ITGA11: variants seen among roughly 807,000 people sequenced by gnomAD.
ITGA11 encodes the protein integrin alpha-11.
Under a neutral mutation model 141.9 loss-of-function variants are expected in ITGA11, and 97 were observed. The ratio of observed to expected loss-of-function variants is 0.68; its 90% CI spans 0.58 to 0.81. The LOEUF is 0.81. Among genes scored for constraint, ITGA11 ranks in the 30% least tolerant of loss-of-function variants. ITGA11 has a pLI of 0.00. For synonymous variants in ITGA11, 658 were observed against 624.6 expected (o/e 1.05, Z -0.80); for missense variants, 1,387 against 1,559.2 (o/e 0.89, Z 1.86).
chr15:68,423,264 T>A (rs981688253), intron 1 of ITGA11, among the ~76,000 whole-genome samples: 1 of 152,028 alleles, frequency 6.6e-6, no homozygotes, highest in Admixed American at 6.5e-5. Context: ...GCGGGGGAAG[T>A]ACAGGACACC....
Position 68,328,006 on chromosome 15 carries a change from A to G in ITGA11, c.2068+90T>C, listed in dbSNP as rs1894034745. 1 of 1,349,938 alleles carries G rather than the reference A, an allele frequency of 7.4e-7. No individual in the cohort carries two copies. The highest frequency in any genetic ancestry group is 1.5e-5 in the African/African-American group (1 of 68,580). The allele number at this position is 1,349,938 out of a possible 1,614,324, so 83.6% of individuals were successfully genotyped here. A position where few individuals can be genotyped will look rare whatever the true frequency, so the allele number is the denominator to read the frequency against. On this transcript the variant is annotated intron_variant, in intron 16 of 29. Coordinates refer to ENST00000315757, the MANE Select transcript of ITGA11 (RefSeq NM_001004439.2). The surrounding 1 kb of genome is among the most constrained non-coding windows in gnomAD (Gnocchi z 4.8). ...TTGGGCGACCTGGCACTTAGCACCC[A>G]TTTTGGGAAAAGCCCAGGCTTTGAA... is the stretch of plus-strand genomic sequence containing the variant.
In ITGA11 at chr15:68,297,557, C is replaced by T. The variant is rs1211425315; in HGVS notation, c.*5502G>A. 1 of 146,504 alleles carries T rather than the reference C, an allele frequency of 6.8e-6. No homozygotes were observed. The highest frequency in any genetic ancestry group is 1.5e-5 in the Non-Finnish European group (1 of 67,030). 9.1% of individuals were successfully genotyped at this position (146,504 alleles called of 1,614,324 possible). A position where few individuals can be genotyped will look rare whatever the true frequency, so the allele number is the denominator to read the frequency against. On this transcript the variant is annotated 3_prime_UTR_variant, in exon 30 of 30. Coordinates refer to ENST00000315757, the MANE Select transcript of ITGA11 (RefSeq NM_001004439.2). ...TTTCTTTTTAATGAAGGTCTTACAA[C>T]TATTTTCCTTTTATTACCACTACGT...
At chr15:68,352,062 G>A (rs1170701289) in intron 7 of ITGA11, among the ~76,000 whole-genome samples, 2 of 143,292 alleles carry the variant, frequency 1.4e-5, no homozygotes, top group East Asian at 2.2e-4. Context: ...CAGCCTGGGC[G>A]ACAGAGTGAG....
intron 4 of ITGA11, among the ~76,000 whole-genome samples, chr15:68,364,345 C>A (rs573629009): frequency 2.0e-5 from 3 of 152,332 alleles, no homozygotes; most frequent in South Asian, 4.1e-4. Context: ...CCAGCCCAGA[C>A]AACTAGCTCC....
At chr15:68,381,899 G>A (rs939061935) in intron 2 of ITGA11, among the ~76,000 whole-genome samples, 7 of 152,084 alleles carry the variant, frequency 4.6e-5, no homozygotes, top group East Asian at 1.9e-4. Flanking sequence ...ACAGAGAGGC[G>A]AAGTCACCCA....
chr15:68,395,572 T>C (rs1001151320), intron 2 of ITGA11, among the ~76,000 whole-genome samples: 5 of 148,262 alleles, frequency 3.4e-5, no homozygotes, highest in African/African-American at 7.6e-5. Context: ...GTATCAGTGA[T>C]TGAAGATTAA....
At chr15:68,361,314 G>A (rs140465456) in intron 5 of ITGA11, among the ~76,000 whole-genome samples, 2 of 152,216 alleles carry the variant, frequency 1.3e-5, no homozygotes, top group African/African-American at 4.8e-5. Flanking sequence ...ATATACCCAG[G>A]GTTTCTGCAG....
intron 2 of ITGA11, among the ~76,000 whole-genome samples, chr15:68,395,255 T>C (rs369841092): frequency 5.8e-4 from 88 of 152,180 alleles, no homozygotes; most frequent in African/African-American, 2.1e-3. Context: ...ACTCTAAAAG[T>C]CAGAGCACTT....
intron 2 of ITGA11, among the ~76,000 whole-genome samples, chr15:68,387,983 G>C (rs1485427666): frequency 6.6e-6 from 1 of 152,002 alleles, no homozygotes; most frequent in South Asian, 2.1e-4. Flanking sequence ...GCACATGTGG[G>C]TCTCAGCCCT....
intron 2 of ITGA11, among the ~76,000 whole-genome samples, chr15:68,388,175 C>T (rs1366315210): frequency 6.6e-6 from 1 of 152,158 alleles, no homozygotes. Context: ...CCTCAATCAT[C>T]CTGCAGCCTC....
chr15:68,409,824 C>T (rs1181896814), intron 1 of ITGA11, among the ~76,000 whole-genome samples: 1 of 152,198 alleles, frequency 6.6e-6, no homozygotes, highest in African/African-American at 2.4e-5. Context: ...AAGTCAGCAA[C>T]TGGCCAAGGT....
At chr15:68,414,831 A>G (rs1439039736) in intron 1 of ITGA11, among the ~76,000 whole-genome samples, 6 of 151,988 alleles carry the variant, frequency 3.9e-5, no homozygotes, top group Admixed American at 6.6e-5. Flanking sequence ...CATGAAAGTG[A>G]GCTGTAACCC....
intron 15 of ITGA11, among the ~76,000 whole-genome samples, chr15:68,329,860 C>T (rs893909137): frequency 6.6e-6 from 1 of 152,186 alleles, no homozygotes; most frequent in Non-Finnish European, 1.5e-5. Context: ...ACGCACAGGC[C>T]CTGGCTTCCC....
chr15:68,332,188 A>G (rs1441649145), intron 13 of ITGA11, 126 bp from the exon 14 acceptor site: 2 of 1,230,108 alleles, frequency 1.6e-6, no homozygotes, highest in African/African-American at 1.5e-5. Flanking sequence ...GTCTCTGGCT[A>G]TATGAACCCA....
chr15:68,427,215 G>A (rs1897164205), intron 1 of ITGA11, among the ~76,000 whole-genome samples: 1 of 152,140 alleles, frequency 6.6e-6, no homozygotes. Flanking sequence ...TTGACACAGT[G>A]CCTGACATCA....
chr15:68,348,048 T>A lies in ITGA11; in HGVS notation c.1131+782A>T, dbSNP rs567666076. Among the ~76,000 whole-genome samples the A allele has an allele frequency of 2.0e-5, 3 of 152,272 alleles. No individual in the cohort carries two copies. In the South Asian group the frequency reaches 6.2e-4, roughly 32 times the overall value. On this transcript the variant is annotated intron_variant, in intron 10 of 29. Coordinates refer to ENST00000315757, the MANE Select transcript of ITGA11 (RefSeq NM_001004439.2). ...GTCGGTACGTTTTCCCACATGACAA[T>A]CCTGGGCAGGACTTTACAGTACATT...
chr15:68,428,486 G>A (rs1897195206), intron 1 of ITGA11, among the ~76,000 whole-genome samples: 1 of 152,260 alleles, frequency 6.6e-6, no homozygotes, highest in Middle Eastern at 3.4e-3. Context: ...GGGTAGAGAT[G>A]GGGTCATGGT....
At chr15:68,329,013 A>G (rs958352609) in intron 15 of ITGA11, among the ~76,000 whole-genome samples, 5 of 152,234 alleles carry the variant, frequency 3.3e-5, no homozygotes, top group African/African-American at 1.2e-4. Flanking sequence ...ATGTATATAA[A>G]AAGAAATAGA....
At chr15:68,389,800 C>G (rs1896072581) in intron 2 of ITGA11, among the ~76,000 whole-genome samples, 2 of 152,142 alleles carry the variant, frequency 1.3e-5, no homozygotes, top group South Asian at 2.1e-4. Context: ...CTTCTCTTCT[C>G]TCCTCTCCAG....
Sources: gnomAD v4.1 joint callset for allele counts (sites outside exome capture counted in the v4.1 genomes callset) on GRCh38, gnomAD v4.1.1 for gene constraint, Gnocchi (gnomAD v3.1) non-coding constraint, MANE v1.5 for transcripts, NCBI Gene and HGNC (gene_info 2026-07-23, HGNC 2026-07-21) for gene names.